The following ITGAV variants were observed in gnomAD, a reference collection of about 807,000 sequenced individuals.
The protein encoded by ITGAV is integrin alpha-V.
ITGAV carries 76 observed loss-of-function variants against 143.8 expected under a neutral mutation model. That is an observed-to-expected ratio of 0.53 (90% CI 0.44 to 0.64). ITGAV has a LOEUF of 0.64. Ranked by LOEUF, ITGAV falls within the 30% of genes least tolerant of loss-of-function variation. ITGAV has a pLI of 0.00. For synonymous variants in ITGAV, 453 were observed against 446.7 expected, an observed-to-expected ratio of 1.01 and a Z score of -0.18; for missense variants, 1,193 against 1,274.7, an observed-to-expected ratio of 0.94 and a Z score of 0.98.
intron 17 of ITGAV, among the ~76,000 whole-genome samples, chr2:186,657,764 A>G (rs1574495263): frequency 6.6e-6 from 1 of 152,190 alleles, no homozygotes; most frequent in East Asian, 1.9e-4. Flanking sequence ...TAGACAAATC[A>G]TGGAAATTCT....
At chr2:186,635,302 A>G (rs28616716) in intron 6 of ITGAV, among the ~76,000 whole-genome samples, 14,262 of 152,170 alleles carry the variant, frequency 0.094, 734 homozygotes, top group South Asian at 0.12. Context: ...CAGAAGAAAT[A>G]ATGAATTTTC....
At chr2:186,644,085 C>T (rs1688181834) in intron 12 of ITGAV, among the ~76,000 whole-genome samples, 1 of 151,722 alleles carries the variant, frequency 6.6e-6, no homozygotes, top group Non-Finnish European at 1.5e-5. Context: ...CTGGGACTAC[C>T]AATGTGCACC....
chr2:186,644,270 A>G (rs56222785), intron 12 of ITGAV, among the ~76,000 whole-genome samples: 48,779 of 151,862 alleles, frequency 0.32, 8,819 homozygotes, highest in East Asian at 0.77. Context: ...TTATTAATGC[A>G]TATGTCAGTA....
At chr2:186,676,736 A>G in intron 28 of ITGAV, 77 bp from the exon 29 acceptor site, 1 of 1,416,206 alleles carries the variant, frequency 7.1e-7, no homozygotes, top group Non-Finnish European at 9.6e-7. Context: ...ATTAAAATAA[A>G]ATATAATATT....
chr2:186,675,729 G>A lies in ITGAV; in HGVS notation c.2820+12G>A, dbSNP rs199996982. On this transcript the variant is annotated intron_variant, in intron 27 of 29. Coordinates refer to ENST00000261023, the MANE Select transcript of ITGAV (RefSeq NM_002210.5). ...AGACTTTTATGAATGTAAGTAGACA[G>A]GTGCAGCATTTAGCAAACATACCCA... The A allele has an allele frequency of 6.6e-5, 105 of 1,591,074 alleles. No individual in the cohort carries two copies. Among genetic ancestry groups the A allele is most frequent in the Non-Finnish European group, 8.6e-5 (100 of 1,159,348 alleles).
In ITGAV at chr2:186,667,233, C is replaced by T; in HGVS notation, c.2327+3C>T. On this transcript the variant is annotated splice_donor_region_variant and intron_variant, in intron 23 of 29. Transcript: ENST00000261023. ...TTAGCTGCAGTTGAGATAAGAGGGT[C>T]AGTATGAATACTTAGTTGAGTATCT... The T allele has an allele frequency of 6.3e-7, 1 of 1,594,776 alleles. No individual in the cohort carries two copies. The highest frequency in any genetic ancestry group is 8.6e-7 in the Non-Finnish European group (1 of 1,163,352).
At chr2:186,633,443 C>T in intron 6 of ITGAV, 69 bp downstream of exon 6, 2 of 789,936 alleles carry the variant, frequency 2.5e-6, no homozygotes, top group Non-Finnish European at 4.2e-6. Flanking sequence ...AATTGTATGC[C>T]TATGACATTT....
Position 186,597,767 on chromosome 2 carries a change from T to C in ITGAV, c.186-4254T>C, listed in dbSNP as rs1686784448. ...TCAGATCAGTGGTGGCATTAGATTC[T>C]CATAGGAGCAAACCCTATTGTGTGA... On this transcript the variant is annotated intron_variant, in intron 1 of 29. Transcript: ENST00000261023. Among the ~76,000 whole-genome samples the C allele has an allele frequency of 2.0e-5, 3 of 152,156 alleles. No individual in the cohort carries two copies. In the South Asian group the frequency reaches 6.2e-4, roughly 32 times the overall value.
chr2:186,630,954 G>A (rs765338032), intron 5 of ITGAV, 96 bp downstream of exon 5: 51 of 598,356 alleles, frequency 8.5e-5, no homozygotes, highest in Non-Finnish European at 1.5e-4. Flanking sequence ...CTCCTTTACA[G>A]CTGTTAGCTC....
chr2:186,652,135 AGG>A, intron 15 of ITGAV, 46 bp downstream of exon 15: 3 of 1,154,512 alleles, frequency 2.6e-6, no homozygotes, highest in Non-Finnish European at 3.9e-6. Flanking sequence ...ATTATTGTTC[AGG>A]CATTGTAAGA....
chr2:186,605,627 A>G (rs757488971), intron 2 of ITGAV, among the ~76,000 whole-genome samples: 30 of 151,874 alleles, frequency 2.0e-4, no homozygotes, highest in Non-Finnish European at 4.3e-4. Context: ...GGGCCTAAAC[A>G]TTGTCTGGTG....
intron 2 of ITGAV, 42 bp downstream of exon 2, chr2:186,602,193 G>T: frequency 2.6e-6 from 4 of 1,559,592 alleles, no homozygotes; most frequent in Non-Finnish European, 3.5e-6. Context: ...GATTTCATTT[G>T]ATTTTTTTTT....
chr2:186,673,658 A>T, intron 26 of ITGAV, among the ~76,000 whole-genome samples: 1 of 151,634 alleles, frequency 6.6e-6, no homozygotes, highest in Non-Finnish European at 1.5e-5. Context: ...TTTTATTATT[A>T]TTATTATTTT....
chr2:186,666,677 A>G (rs767972987), intron 21 of ITGAV, 27 bp from the exon 22 acceptor site: 26 of 1,375,478 alleles, frequency 1.9e-5, no homozygotes, highest in Admixed American at 2.5e-5. Flanking sequence ...ATTGACTAGC[A>G]TTACTATCTT....
rs181676522 is a variant in ITGAV at position 186,606,876 on chromosome 2, A to G, written c.316+4725A>G. ...GCAGCCTATTTGCCAGCTTCAGGGG[A>G]TGCTTATGGTTCCTCATCTTTTTGG... On this transcript the variant is annotated intron_variant, in intron 2 of 29. Transcript: ENST00000261023. Among the ~76,000 whole-genome samples, 286 of 152,134 alleles carry G rather than the reference A, an allele frequency of 1.9e-3. 1 individual carries two copies. Among genetic ancestry groups the G allele is most frequent in the African/African-American group, 6.4e-3 (264 of 41,524 alleles).
chr2:186,608,239 A>G (rs2105664789), intron 2 of ITGAV, among the ~76,000 whole-genome samples: 1 of 152,272 alleles, frequency 6.6e-6, no homozygotes, highest in Non-Finnish European at 1.5e-5. Context: ...TTGGTGCTTC[A>G]TATGGCCTTT....
At chr2:186,592,968 A>G (rs1686655443) in intron 1 of ITGAV, among the ~76,000 whole-genome samples, 1 of 152,184 alleles carries the variant, frequency 6.6e-6, no homozygotes. Context: ...TGAATTTTCT[A>G]GAAGGGCACT....
rs919596334 is a variant in ITGAV, at chr2:186,679,857, T to C, written c.*2565T>C. 1 of 152,070 alleles carries C rather than the reference T, an allele frequency of 6.6e-6. No homozygotes were observed. The highest frequency in any genetic ancestry group is 2.4e-5 in the African/African-American group (1 of 41,452). 9.4% of individuals were successfully genotyped at this position (152,070 alleles called of 1,614,324 possible). On this transcript the variant is annotated 3_prime_UTR_variant, in exon 30 of 30. Transcript: ENST00000261023. The stretch of plus-strand genomic sequence containing the variant: ...ACAATTAGTCAAAATATTATTGCCA[T>C]CATTCTACCTGTGTTATGAAACTAC...
chr2:186,642,218 C>A (rs903279864), intron 12 of ITGAV, among the ~76,000 whole-genome samples: 11 of 151,980 alleles, frequency 7.2e-5, no homozygotes, highest in Admixed American at 7.2e-4. Flanking sequence ...ATATAGGTTA[C>A]AAATTACCAA....
Sources: gnomAD v4.1 joint callset for allele counts (sites outside exome capture counted in the v4.1 genomes callset) on GRCh38, gnomAD v4.1.1 for gene constraint, MANE v1.5 for transcripts, NCBI Gene and HGNC (gene_info 2026-07-23, HGNC 2026-07-21) for gene names.